The following PTPRD variants were observed in gnomAD, a reference collection of about 807,000 sequenced individuals.
The protein encoded by PTPRD is protein tyrosine phosphatase receptor type D, also known as receptor-type tyrosine-protein phosphatase delta.
PTPRD carries 34 observed loss-of-function variants against 214.5 expected under a neutral mutation model. The ratio of observed to expected loss-of-function variants is 0.16; its 90% CI spans 0.12 to 0.21. The LOEUF (loss-of-function observed/expected upper bound fraction) is 0.21. PTPRD is among the 10% of genes least tolerant of loss of function. The pLI, the probability that PTPRD is intolerant of heterozygous loss-of-function variation, is 1.00. For synonymous variants in PTPRD, 1,128 were observed against 845.7 expected (o/e 1.33, Z -5.79); for missense variants, 2,545 against 2,398.7 (o/e 1.06, Z -1.27).
At chr9:9,847,801 G>A (rs559527245) in intron 5 of PTPRD, among the ~76,000 whole-genome samples, 3 of 152,042 alleles carry the variant, frequency 2.0e-5, no homozygotes, top group Non-Finnish European at 2.9e-5. Context: ...TAGGGCTGTC[G>A]GTGGAGCTGA....
At chr9:9,283,069 T>C (rs544617390) in intron 9 of PTPRD, among the ~76,000 whole-genome samples, 9 of 151,536 alleles carry the variant, frequency 5.9e-5, no homozygotes, top group African/African-American at 2.2e-4. Context: ...CTTGGTGTGA[T>C]AACCAAAAAA....
At chr9:10,552,346 G>A (rs2061530068) in intron 2 of PTPRD, among the ~76,000 whole-genome samples, 1 of 152,012 alleles carries the variant, frequency 6.6e-6, no homozygotes, top group South Asian at 2.1e-4. Context: ...CCATGCTTTT[G>A]GATACCTATT....
intron 14 of PTPRD, among the ~76,000 whole-genome samples, chr9:8,621,656 G>GA (rs1287560062): frequency 8.3e-4 from 126 of 151,966 alleles, no homozygotes; most frequent in Non-Finnish European, 1.6e-3. Flanking sequence ...TATTGAGCCA[G>GA]TGAGTGTTAA....
chr9:9,243,044 A>G (rs2099971179), intron 9 of PTPRD, among the ~76,000 whole-genome samples: 1 of 151,930 alleles, frequency 6.6e-6, no homozygotes, highest in Non-Finnish European at 1.5e-5. Flanking sequence ...TCTGTTTGTT[A>G]GTTTTCCTTT....
intron 14 of PTPRD, among the ~76,000 whole-genome samples, chr9:8,574,233 C>A (rs1453165351): frequency 6.6e-6 from 1 of 151,976 alleles, no homozygotes; most frequent in African/African-American, 2.4e-5. Flanking sequence ...TTACCAAAAT[C>A]ATGATCATCA....
At chr9:10,503,978 T>TGGTGGCGGGCGC (rs1566576627) in intron 2 of PTPRD, among the ~76,000 whole-genome samples, 1 of 150,116 alleles carries the variant, frequency 6.7e-6, no homozygotes, top group Admixed American at 6.6e-5. Context: ...TAGCCGGGCG[T>TGGTGGCGGGCGC]GGTGGCGGGC....
chr9:9,959,566 C>A (rs2094202357), intron 4 of PTPRD, among the ~76,000 whole-genome samples: 1 of 152,078 alleles, frequency 6.6e-6, no homozygotes, highest in South Asian at 2.1e-4. Flanking sequence ...CTTCCTACGA[C>A]AAATATATGA....
intron 14 of PTPRD, among the ~76,000 whole-genome samples, chr9:8,568,766 C>G (rs2090200297): frequency 6.6e-6 from 1 of 151,748 alleles, no homozygotes; most frequent in Non-Finnish European, 1.5e-5. Context: ...CTTTCAGAGG[C>G]ATAACAGTCT....
chr9:9,128,950 T>TAA lies in PTPRD; in HGVS notation c.-143+54352_-143+54353dup, dbSNP rs1281445587. ...ATTCCAAATGGACTTATGAAAGTCATAATAAATGAATACTTAGCAAGCAAA... is the reference window on the plus strand; with the variant it reads ...ATTCCAAATGGACTTATGAAAGTCATAAAATAAATGAATACTTAGCAAGCAAA... On this transcript the variant is annotated intron_variant, in intron 10 of 45. Coordinates refer to ENST00000381196, the MANE Select transcript of PTPRD (RefSeq NM_002839.4). 1.2e-4 allele frequency among the ~76,000 whole-genome samples: 19 copies of TAA among 152,348 alleles called. No homozygotes were observed. In the East Asian group the frequency reaches 3.7e-3, roughly 29 times the overall value.
intron 5 of PTPRD, among the ~76,000 whole-genome samples, chr9:9,812,992 C>T (rs1274099267): frequency 6.8e-6 from 1 of 148,058 alleles, no homozygotes; most frequent in Non-Finnish European, 1.5e-5. Flanking sequence ...AACTAGAAGT[C>T]TATAAGAGGA....
intron 3 of PTPRD, among the ~76,000 whole-genome samples, chr9:10,055,536 A>T (rs149159171): frequency 1.2e-3 from 182 of 152,210 alleles, no homozygotes; most frequent in Non-Finnish European, 3.4e-4. Flanking sequence ...TCGATCCAGG[A>T]TTTAAACACA....
rs199568955 is a variant in PTPRD at position 8,636,829 on chromosome 9, G to T, written c.80C>A (p.Thr27Lys). 1.2e-6 allele frequency: 2 copies of T among 1,613,688 alleles called. No homozygotes were observed. Among genetic ancestry groups the T allele is most frequent in the East Asian group, 2.2e-5 (1 of 44,858 alleles). ...CCCTGTCTGATCAACGGGTGTTCGT[G>T]TAAACCTTGGAGGTGCTGAAATAAA... ...RTDAETPPRF[T>K]RTPVDQTGVS... is the part of the protein sequence containing the mutation. The change falls in exon 13 of 46, where the codon ACA becomes AAA. Residue 27 changes from threonine (T) to lysine (K), a missense_variant. Physicochemically the swap from Thr to Lys is moderately conservative, Grantham distance 78. Coordinates refer to ENST00000381196, the MANE Select transcript of PTPRD (RefSeq NM_002839.4).
chr9:10,413,736 G>A (rs2098459974), intron 2 of PTPRD, among the ~76,000 whole-genome samples: 1 of 151,846 alleles, frequency 6.6e-6, no homozygotes, highest in African/African-American at 2.4e-5. Flanking sequence ...ATACAAAACA[G>A]CAAGATATTG....
intron 5 of PTPRD, among the ~76,000 whole-genome samples, chr9:9,913,879 T>C (rs1271625673): frequency 6.6e-6 from 1 of 152,090 alleles, no homozygotes. Flanking sequence ...CATGTTGCCA[T>C]CTCAAGATCA....
At chr9:8,767,962 T>G (rs16928409) in intron 11 of PTPRD, among the ~76,000 whole-genome samples, 6,779 of 152,298 alleles carry the variant, frequency 0.045, 379 homozygotes, top group African/African-American at 0.13. Flanking sequence ...TTTTACTCCT[T>G]ACAAATTTTT....
chr9:9,244,450 T>G (rs113427975), intron 9 of PTPRD, among the ~76,000 whole-genome samples: 2 of 151,888 alleles, frequency 1.3e-5, no homozygotes, highest in African/African-American at 4.8e-5. Flanking sequence ...TATAGACCAA[T>G]GGAACAGAAC....
rs1157405797 is a variant in PTPRD at position 8,594,555 on chromosome 9, G to C, written c.352+38762C>G. ...ATTGTAATCCCCACATGTCGAGGGA[G>C]GGACCTGGTGGGAGGTGATTGGATC... On this transcript the variant is annotated intron_variant, in intron 14 of 45. Transcript: ENST00000381196. Among the ~76,000 whole-genome samples, 7 of 152,254 alleles carry C rather than the reference G, an allele frequency of 4.6e-5. No homozygotes were observed. In the South Asian group the frequency reaches 1.5e-3, roughly 32 times the overall value.
intron 39 of PTPRD, among the ~76,000 whole-genome samples, chr9:8,346,974 T>TA (rs1438170798): frequency 6.6e-6 from 1 of 152,020 alleles, no homozygotes; most frequent in African/African-American, 2.4e-5. Flanking sequence ...AAAAAGGCAT[T>TA]AAATTTTGGG....
intron 7 of PTPRD, among the ~76,000 whole-genome samples, chr9:9,610,567 A>G (rs1029670982): frequency 2.2e-4 from 33 of 152,344 alleles, no homozygotes; most frequent in African/African-American, 7.9e-4. Context: ...ACCTTGGAAT[A>G]GATGGGGGAA....
Sources: gnomAD v4.1 joint callset for allele counts (sites outside exome capture counted in the v4.1 genomes callset) on GRCh38, gnomAD v4.1.1 for gene constraint, MANE v1.5 for transcripts, NCBI Gene and HGNC (gene_info 2026-07-23, HGNC 2026-07-21) for gene names.